Variants in STXBP5 observed in about 807,000 individuals in gnomAD.
STXBP5 encodes syntaxin-binding protein 5.
In STXBP5, 50 loss-of-function variants were observed where a neutral mutation model predicts 152.4. That is an observed-to-expected ratio of 0.33 (90% CI 0.26 to 0.42). STXBP5 has a LOEUF of 0.42. STXBP5 is among the 10% of genes least tolerant of loss of function. The probability of loss-of-function intolerance (pLI) is 1.00; values close to 1 mark genes in which losing one functional copy is unlikely to be tolerated. For synonymous variants in STXBP5, 492 were observed against 494.7 expected, an observed-to-expected ratio of 0.99 and a Z score of 0.07; for missense variants, 1,167 against 1,388.6, an observed-to-expected ratio of 0.84 and a Z score of 2.54.
chr6:147,365,509 TTTAA>T (rs1419658050), intron 25 of STXBP5, among the ~76,000 whole-genome samples: 1 of 152,242 alleles, frequency 6.6e-6, no homozygotes, highest in African/African-American at 2.4e-5. Context: ...TGGTGTTTTC[TTTAA>T]TTATTCTTAA....
At chr6:147,264,961 A>C (rs1779820123) in intron 6 of STXBP5, among the ~76,000 whole-genome samples, 2 of 152,068 alleles carry the variant, frequency 1.3e-5, no homozygotes, top group Non-Finnish European at 2.9e-5. Context: ...ATTTCCTTAA[A>C]GTTATATGGC....
chr6:147,338,927 T>C (rs1332794287), intron 19 of STXBP5, among the ~76,000 whole-genome samples: 1 of 151,738 alleles, frequency 6.6e-6, no homozygotes, highest in East Asian at 1.9e-4. Context: ...TATACCAAGA[T>C]TTTGCCAAAT....
chr6:147,328,334 T>G (rs1783378883), intron 18 of STXBP5, among the ~76,000 whole-genome samples: 1 of 152,222 alleles, frequency 6.6e-6, no homozygotes, highest in African/African-American at 2.4e-5. Flanking sequence ...TGAGGCATAC[T>G]TAACTCATTT....
intron 7 of STXBP5, among the ~76,000 whole-genome samples, chr6:147,274,772 AATAG>A (rs1369341097): frequency 1.8e-4 from 27 of 152,238 alleles, no homozygotes; most frequent in African/African-American, 6.5e-4. Context: ...CTTTGACAAT[AATAG>A]ATAGTTACAT....
chr6:147,351,795 A>T, intron 21 of STXBP5: 1 of 968,594 alleles, frequency 1.0e-6, no homozygotes, highest in Non-Finnish European at 1.2e-6. Flanking sequence ...AGTCTGCCTA[A>T]TGCCTCTTTC....
chr6:147,349,130 G>A (rs936481318), intron 21 of STXBP5, among the ~76,000 whole-genome samples: 6 of 151,590 alleles, frequency 4.0e-5, no homozygotes, highest in African/African-American at 1.5e-4. Flanking sequence ...TTAATTAAGA[G>A]GATACATATT....
intron 9 of STXBP5, among the ~76,000 whole-genome samples, chr6:147,294,637 A>G (rs1333711933): frequency 6.6e-6 from 1 of 152,156 alleles, no homozygotes; most frequent in African/African-American, 2.4e-5. Flanking sequence ...ATTTATCTGA[A>G]AGAGAAAGGC....
chr6:147,306,408 G>A (rs1037330400), intron 9 of STXBP5, among the ~76,000 whole-genome samples: 1 of 152,352 alleles, frequency 6.6e-6, no homozygotes, highest in East Asian at 1.9e-4. Context: ...GTTTCTCTGA[G>A]GAGGTGATGA....
intron 6 of STXBP5, among the ~76,000 whole-genome samples, chr6:147,265,150 A>G (rs1779830111): frequency 6.6e-6 from 1 of 152,158 alleles, no homozygotes; most frequent in Admixed American, 6.6e-5. Context: ...GAGGAAACAA[A>G]TACCATTTTT....
At chr6:147,287,102 C>T (rs1008849918) in intron 8 of STXBP5, among the ~76,000 whole-genome samples, 1 of 147,996 alleles carries the variant, frequency 6.8e-6, no homozygotes, top group Non-Finnish European at 1.5e-5. Context: ...GTGAAATAAG[C>T]ACATCATAGA....
At chr6:147,339,736 C>T (rs760155975) in intron 21 of STXBP5, among the ~76,000 whole-genome samples, 1 of 151,758 alleles carries the variant, frequency 6.6e-6, no homozygotes, top group Non-Finnish European at 1.5e-5. Flanking sequence ...GTTTTTTCTA[C>T]CTTTATTCTG....
At chr6:147,280,633 G>A (rs913036650) in intron 8 of STXBP5, among the ~76,000 whole-genome samples, 2 of 152,052 alleles carry the variant, frequency 1.3e-5, no homozygotes, top group African/African-American at 4.8e-5. Flanking sequence ...TGTGATGGTT[G>A]CCAAATAATG....
chr6:147,370,370 A>G (rs1232334037), intron 25 of STXBP5, among the ~76,000 whole-genome samples: 1 of 152,030 alleles, frequency 6.6e-6, no homozygotes. Context: ...CAAATTGTAC[A>G]CCTCAAATAT....
At chr6:147,382,741 G>C (rs750030709) in intron 26 of STXBP5, 37 bp from the exon 27 acceptor site, 2 of 1,598,422 alleles carry the variant, frequency 1.3e-6, no homozygotes, top group African/African-American at 2.7e-5. Flanking sequence ...AAATGTTCAT[G>C]TTTTGAGTTA....
chr6:147,365,530 A>G (rs568734732), intron 25 of STXBP5, among the ~76,000 whole-genome samples: 1 of 152,304 alleles, frequency 6.6e-6, no homozygotes, highest in Non-Finnish European at 1.5e-5. Context: ...TTAAGTTAAT[A>G]GCAGCCATAG....
chr6:147,259,340 G>A (rs1035928337), intron 4 of STXBP5, among the ~76,000 whole-genome samples: 1 of 152,116 alleles, frequency 6.6e-6, no homozygotes, highest in Non-Finnish European at 1.5e-5. Flanking sequence ...GAGAAAGTGA[G>A]CCTTGTGAGT....
intron 8 of STXBP5, among the ~76,000 whole-genome samples, chr6:147,284,181 G>A (rs927313294): frequency 5.3e-5 from 8 of 151,988 alleles, no homozygotes; most frequent in African/African-American, 9.7e-5. Flanking sequence ...TACATTTTAC[G>A]TGTCCCGCTG....
rs758040482 is a variant in STXBP5, at chr6:147,364,070, G to A, written c.2985G>A (p.Thr995=). Residue 995 remains threonine, a synonymous_variant, in exon 25 of 28, where the codon ACG becomes ACA. Coordinates refer to ENST00000321680, the MANE Select transcript of STXBP5 (RefSeq NM_001127715.4). ...LPLTNMRIAR[T]FCFTNNGQAL... ...TTACCAATATGCGGATAGCCAGAAC[G>A]TTCTGCTTTACCAACAATGGACAAG... is the stretch of plus-strand genomic sequence containing the variant. 16 of 1,613,942 alleles carry A rather than the reference G, an allele frequency of 9.9e-6. No individual in the cohort carries two copies. In the East Asian group the frequency reaches 1.1e-4, roughly 11 times the overall value.
In STXBP5 at chr6:147,327,217, C is replaced by T; in HGVS notation, c.2021C>T (p.Ser674Phe). 1 of 1,614,070 alleles carries T rather than the reference C, an allele frequency of 6.2e-7. No individual in the cohort carries two copies. Among genetic ancestry groups the T allele is most frequent in the South Asian group, 1.1e-5 (1 of 91,074 alleles). ...LNLGTIELYG[S>F]NDPYRREPRS... ...CTGGGCACTATTGAATTATATGGCT[C>T]TAATGATCCTTATCGGAGAGAACCC... Residue 674 changes from serine (S) to phenylalanine (F), a missense_variant, in exon 18 of 28, where the codon TCT (serine) becomes TTT (phenylalanine). Ser to Phe is a radical substitution (Grantham distance 155). Transcript: ENST00000321680.
Sources: allele counts gnomAD v4.1 joint callset (sites outside exome capture counted in the v4.1 genomes callset), GRCh38; gene constraint gnomAD v4.1.1; transcripts MANE v1.5; gene names NCBI Gene and HGNC (gene_info 2026-07-23, HGNC 2026-07-21).